The following ARHGAP39 variants were observed in gnomAD, a reference collection of about 807,000 sequenced individuals.
ARHGAP39 encodes Rho GTPase activating protein 39.
Under a neutral mutation model 106.9 loss-of-function variants are expected in ARHGAP39, and 44 were observed. That is an observed-to-expected ratio of 0.41 (90% CI 0.32 to 0.53). ARHGAP39 has a LOEUF of 0.53. ARHGAP39 is among the 20% of genes least tolerant of loss of function. ARHGAP39 has a pLI of 0.21. For missense variants in ARHGAP39, 1,496 were observed against 1,577.3 expected (o/e 0.95, Z 0.87); for synonymous variants, 768 against 693.2 (o/e 1.11, Z -1.69).
chr8:144,685,468 G>A (rs1254233016), intron 1 of ARHGAP39, among the ~76,000 whole-genome samples: 3 of 144,326 alleles, frequency 2.1e-5, no homozygotes, highest in Non-Finnish European at 4.6e-5. Flanking sequence ...GAGCCTCCGC[G>A]CCCCCCGCCC....
At chr8:144,686,082 T>C (rs1012211161), upstream of ARHGAP39, among the ~76,000 whole-genome samples, 3 of 151,748 alleles carry the variant, frequency 2.0e-5, no homozygotes, top group Non-Finnish European at 4.4e-5. Flanking sequence ...ACCCTGTGAG[T>C]TAGCGGTGTC....
chr8:144,548,491 T>C lies in ARHGAP39; in HGVS notation c.597-2A>G. Reference sequence around the variant, plus strand: ...GAGTTCCACCGCAGCGAGGAGGTCCTGCGTGGGGGGTGGACGGGCACAGGT... The same window carrying C: ...GAGTTCCACCGCAGCGAGGAGGTCCCGCGTGGGGGGTGGACGGGCACAGGT... On this transcript the variant is annotated splice_acceptor_variant, in intron 4 of 11. Transcript: ENST00000377307. LOFTEE classifies it high-confidence loss of function. This position sits in a 1 kb window ranked among gnomAD's most constrained non-coding sequence, Gnocchi z 7.4. 1 of 1,607,210 alleles carries C rather than the reference T, an allele frequency of 6.2e-7. No homozygotes were observed. The highest frequency in any genetic ancestry group is 8.5e-7 in the Non-Finnish European group (1 of 1,178,466).
At position 144,614,741 on chromosome 8, in the gene ARHGAP39, G is replaced by C. The variant is rs114584984; in HGVS notation, c.-81-9046C>G. Reference sequence around the variant, plus strand: ...CTTCTGAGATTGTCACACAGCAGCAGAGCAGCATTTATTCTAGGGCTAACT... The same window carrying C: ...CTTCTGAGATTGTCACACAGCAGCACAGCAGCATTTATTCTAGGGCTAACT... On this transcript the variant is annotated intron_variant, in intron 1 of 11. Transcript: ENST00000377307. Among the ~76,000 whole-genome samples, 1,450 of 152,302 alleles carry C rather than the reference G, an allele frequency of 9.5e-3. 23 individuals carry two copies. Among genetic ancestry groups the C allele is most frequent in the African/African-American group, 0.033 (1,389 of 41,560 alleles).
chr8:144,674,147 G>A (rs1822172720), intron 1 of ARHGAP39, among the ~76,000 whole-genome samples: 1 of 150,176 alleles, frequency 6.7e-6, no homozygotes, highest in Non-Finnish European at 1.5e-5. Context: ...TGGTCGGGGG[G>A]AGTGTGTGTT....
chr8:144,541,157 G>A (rs1817175757), intron 6 of ARHGAP39, among the ~76,000 whole-genome samples: 2 of 152,192 alleles, frequency 1.3e-5, no homozygotes, highest in Non-Finnish European at 1.5e-5. Context: ...GGACTCCTTT[G>A]CTTCTTAAGC....
rs576060907 is a variant in ARHGAP39, at chr8:144,611,970, T to C, written c.-81-6275A>G. Among the ~76,000 whole-genome samples, 26 of 150,982 alleles carry C rather than the reference T, an allele frequency of 1.7e-4. No individual in the cohort carries two copies. In the South Asian group the frequency reaches 4.6e-3, roughly 27 times the overall value. ...GTTGCAGTGGGCCGAGATTGCACCA[T>C]TGTACTCCAACCTGGGTGACAAGAG... On this transcript the variant is annotated intron_variant, in intron 1 of 11. Transcript: ENST00000377307.
At position 144,646,964 on chromosome 8, in the gene ARHGAP39, C is replaced by CT. The variant is rs1563722501; in HGVS notation, c.-82+38721_-82+38722insA. On this transcript the variant is annotated intron_variant, in intron 1 of 11. Transcript: ENST00000377307. This position sits in a 1 kb window ranked among gnomAD's most constrained non-coding sequence, Gnocchi z 5.7. ...CTGGAGGCATCTGCTCTGCTCTGAC[C>CT]ATTTTTTTTTTTTTTTTTTTTTTGA... 8.9e-5 allele frequency among the ~76,000 whole-genome samples: 13 copies of CT among 146,410 alleles called. No individual in the cohort carries two copies. The highest frequency in any genetic ancestry group is 3.0e-4 in the African/African-American group (12 of 39,436).
chr8:144,577,054 C>T (rs913623467), intron 3 of ARHGAP39, among the ~76,000 whole-genome samples: 1 of 152,204 alleles, frequency 6.6e-6, no homozygotes, highest in Non-Finnish European at 1.5e-5. Flanking sequence ...TCTTTTATTC[C>T]TTAACCTCTA....
chr8:144,545,193 G>A, intron 6 of ARHGAP39, 56 bp downstream of exon 6: 1 of 1,409,918 alleles, frequency 7.1e-7, no homozygotes, highest in Non-Finnish European at 9.3e-7. Flanking sequence ...AGCACAGCAG[G>A]AGCCCTCTCC....
rs143854935 is a variant in ARHGAP39 at position 144,545,622 on chromosome 8, G to A, written c.2148C>T (p.Ile716=). ...CGCTGCTCCAGGCCAGCATGTTGGC[G>A]ATGGACACCTTCCGCCGGAAGAGGC... is the stretch of plus-strand genomic sequence containing the variant. ...TQGLFRRKVS[I]ANMLAWSSES... is the part of the protein sequence containing the mutation. The change falls in exon 6 of 12, where the codon ATC becomes ATT. Residue 716 remains isoleucine, a synonymous_variant. Coordinates refer to ENST00000377307, the MANE Select transcript of ARHGAP39 (RefSeq NM_025251.3). 21 of 1,613,620 alleles carry A rather than the reference G, an allele frequency of 1.3e-5. No homozygotes were observed. The highest frequency in any genetic ancestry group is 1.6e-5 in the Non-Finnish European group (19 of 1,180,032).
At chr8:144,673,992 G>A (rs1012893355) in intron 1 of ARHGAP39, among the ~76,000 whole-genome samples, 2 of 152,344 alleles carry the variant, frequency 1.3e-5, no homozygotes, top group African/African-American at 4.8e-5. Flanking sequence ...GTGGCATCCA[G>A]AAGCTTGGAG....
At chr8:144,581,695 C>T (rs144903100) in intron 2 of ARHGAP39, among the ~76,000 whole-genome samples, 126 of 152,316 alleles carry the variant, frequency 8.3e-4, no homozygotes, top group African/African-American at 2.8e-3. Context: ...CACACTGGGT[C>T]GGGGTCTGGA....
intron 1 of ARHGAP39, among the ~76,000 whole-genome samples, chr8:144,666,669 T>A (rs1338686427): frequency 6.6e-6 from 1 of 152,236 alleles, no homozygotes; most frequent in African/African-American, 2.4e-5. Flanking sequence ...CCTCCCGCTA[T>A]GATTCTGAGG....
At chr8:144,660,554 C>A (rs1230267339) in intron 1 of ARHGAP39, among the ~76,000 whole-genome samples, 1 of 152,176 alleles carries the variant, frequency 6.6e-6, no homozygotes, top group Non-Finnish European at 1.5e-5. Context: ...TCTTGCAAGC[C>A]ATGATTCCGT....
chr8:144,690,069 C>T (rs1398800778), upstream of ARHGAP39, among the ~76,000 whole-genome samples: 9 of 150,904 alleles, frequency 6.0e-5, no homozygotes, highest in East Asian at 1.8e-3. Context: ...TTTGAGAAAC[C>T]ACCGAACTCT....
At chr8:144,595,401 G>A (rs995571133) in intron 2 of ARHGAP39, among the ~76,000 whole-genome samples, 1 of 152,188 alleles carries the variant, frequency 6.6e-6, no homozygotes, top group Non-Finnish European at 1.5e-5. Flanking sequence ...AAGCCGGCCC[G>A]CCGTGCCCGA....
intron 1 of ARHGAP39, among the ~76,000 whole-genome samples, chr8:144,681,205 G>A (rs974193003): frequency 3.9e-5 from 6 of 152,324 alleles, no homozygotes; most frequent in East Asian, 1.9e-4. Flanking sequence ...AAGACACAAC[G>A]AGGCAAGCAC....
At chr8:144,606,744 GA>G (rs538224647) in intron 1 of ARHGAP39, among the ~76,000 whole-genome samples, 19 of 152,118 alleles carry the variant, frequency 1.2e-4, no homozygotes, top group Admixed American at 9.2e-4. Context: ...GGTCAAGTGT[GA>G]AAAAAATGAA....
intron 4 of ARHGAP39, among the ~76,000 whole-genome samples, chr8:144,554,353 C>T (rs1331238334): frequency 6.6e-6 from 1 of 152,214 alleles, no homozygotes; most frequent in East Asian, 1.9e-4. Flanking sequence ...CCAGAAGGTC[C>T]TCCTCACCTC....
Sources: gnomAD v4.1 joint callset for allele counts (sites outside exome capture counted in the v4.1 genomes callset) on GRCh38, gnomAD v4.1.1 for gene constraint, Gnocchi (gnomAD v3.1) non-coding constraint, MANE v1.5 for transcripts, NCBI Gene and HGNC (gene_info 2026-07-23, HGNC 2026-07-21) for gene names.